The following RBFOX3 variants were observed in gnomAD, a reference collection of about 807,000 sequenced individuals.
The protein encoded by RBFOX3 is RNA binding fox-1 homolog 3, also known as RNA binding protein fox-1 homolog 3.
In RBFOX3, 17 loss-of-function variants were observed where a neutral mutation model predicts 48.7. The observed-to-expected ratio is 0.35, with a 90% CI of 0.24 to 0.52. The LOEUF is 0.52. Among genes scored for constraint, RBFOX3 ranks in the 20% least tolerant of loss-of-function variants. The pLI, the probability that RBFOX3 is intolerant of heterozygous loss-of-function variation, is 0.94. For missense variants in RBFOX3, 382 were observed against 497.5 expected (o/e 0.77, Z 2.21); for synonymous variants, 212 against 209.5 (o/e 1.01, Z -0.10).
At chr17:79,110,169 A>G (rs1177784999) in intron 5 of RBFOX3, among the ~76,000 whole-genome samples, 1 of 151,266 alleles carries the variant, frequency 6.6e-6, no homozygotes, top group Admixed American at 6.6e-5. Context: ...TCTTGTTCTC[A>G]AATGCAGGGA....
At chr17:79,270,592 T>C (rs1232437032) in intron 3 of RBFOX3, among the ~76,000 whole-genome samples, 1 of 152,242 alleles carries the variant, frequency 6.6e-6, no homozygotes, top group East Asian at 1.9e-4. Flanking sequence ...CTGAGAATAA[T>C]GCAATGGTGC....
At chr17:79,427,807 CA>C (rs1383756407) in intron 2 of RBFOX3, among the ~76,000 whole-genome samples, 1 of 152,266 alleles carries the variant, frequency 6.6e-6, no homozygotes, top group African/African-American at 2.4e-5. Context: ...GCAACATGCA[CA>C]GGCGTGCACA....
intron 1 of RBFOX3, among the ~76,000 whole-genome samples, chr17:79,562,051 C>T (rs1221386276): frequency 2.6e-5 from 4 of 152,236 alleles, no homozygotes; most frequent in African/African-American, 9.6e-5. Flanking sequence ...CCACCAAAGG[C>T]CACCAAAAGG....
At chr17:79,093,296 C>G (rs62063828) in intron 14 of RBFOX3, among the ~76,000 whole-genome samples, 54,916 of 149,472 alleles carry the variant, frequency 0.37, 10,458 homozygotes, top group African/African-American at 0.48. Flanking sequence ...ACCCAGTTTT[C>G]CCAGAAAAGA....
chr17:79,289,298 G>A (rs1317701996), intron 3 of RBFOX3, among the ~76,000 whole-genome samples: 1 of 152,216 alleles, frequency 6.6e-6, no homozygotes, highest in African/African-American at 2.4e-5. Flanking sequence ...AGAGAGATGG[G>A]GAAGGTTAGA....
chr17:79,581,965 T>C (rs1245900700), intron 1 of RBFOX3, among the ~76,000 whole-genome samples: 2 of 151,852 alleles, frequency 1.3e-5, no homozygotes, highest in Non-Finnish European at 2.9e-5. Context: ...CCCATGTATG[T>C]GCCTGTGCGT....
chr17:79,268,176 C>T (rs1269946608), intron 3 of RBFOX3, among the ~76,000 whole-genome samples: 1 of 151,768 alleles, frequency 6.6e-6, no homozygotes, highest in Non-Finnish European at 1.5e-5. Flanking sequence ...TGCGAGTCTG[C>T]GAGGGTGTCC....
chr17:79,208,933 A>C (rs2057948041), intron 4 of RBFOX3, among the ~76,000 whole-genome samples: 1 of 151,758 alleles, frequency 6.6e-6, no homozygotes, highest in South Asian at 2.1e-4. Context: ...CTCCTGCCTC[A>C]GCCTCCCAAG....
At chr17:79,454,911 A>G (rs1454622423) in intron 2 of RBFOX3, among the ~76,000 whole-genome samples, 1 of 152,216 alleles carries the variant, frequency 6.6e-6, no homozygotes, top group Admixed American at 6.5e-5. Flanking sequence ...CTGCACCCAG[A>G]GGCAGGAGAT....
At chr17:79,245,059 C>T (rs1243013112) in intron 3 of RBFOX3, among the ~76,000 whole-genome samples, 1 of 149,460 alleles carries the variant, frequency 6.7e-6, no homozygotes, top group Non-Finnish European at 1.5e-5. Context: ...CCTCCTCTCC[C>T]TTTCCTTTTC....
intron 3 of RBFOX3, among the ~76,000 whole-genome samples, chr17:79,259,917 T>C (rs1037622895): frequency 2.0e-5 from 3 of 152,084 alleles, no homozygotes; most frequent in Non-Finnish European, 4.4e-5. Flanking sequence ...TGCTCAGATA[T>C]GTCAACTGTG....
chr17:79,307,076 A>T (rs1422094524), intron 3 of RBFOX3, among the ~76,000 whole-genome samples: 1 of 152,268 alleles, frequency 6.6e-6, no homozygotes, highest in Non-Finnish European at 1.5e-5. Context: ...GAGAAGAATG[A>T]GCTCATACCT....
rs573798128 is a variant in RBFOX3 at position 79,187,319 on chromosome 17, C to T, written c.-34+48447G>A. On this transcript the variant is annotated intron_variant, in intron 4 of 14. Coordinates refer to ENST00000693108, the MANE Select transcript of RBFOX3 (RefSeq NM_001350451.2). Reference sequence around the variant, plus strand: ...TCCTGCCCCTCTTTCCCCTTCCAGGCGCCCAGGCCGACCATCCTCAGGCTT... The same window carrying T: ...TCCTGCCCCTCTTTCCCCTTCCAGGTGCCCAGGCCGACCATCCTCAGGCTT... Among the ~76,000 whole-genome samples, 73 of 152,308 alleles carry T rather than the reference C, an allele frequency of 4.8e-4. 1 individual carries two copies. The highest frequency in any genetic ancestry group is 5.1e-4 in the Non-Finnish European group (35 of 68,026).
chr17:79,330,896 G>T (rs1336163400), intron 2 of RBFOX3, among the ~76,000 whole-genome samples: 1 of 152,206 alleles, frequency 6.6e-6, no homozygotes, highest in Admixed American at 6.5e-5. Flanking sequence ...GACAGCCTGG[G>T]GCAGCCGTCG....
rs540655495 is a variant in RBFOX3, at chr17:79,546,831, G to A, written c.-320+63995C>T. Among the ~76,000 whole-genome samples, 47 of 151,896 alleles carry A rather than the reference G, an allele frequency of 3.1e-4. No individual in the cohort carries two copies. In the East Asian group the frequency reaches 7.4e-3, roughly 24 times the overall value. On this transcript the variant is annotated intron_variant, in intron 1 of 14. Transcript: ENST00000693108. ...ATTACAGTTATACACCACCACACCC[G>A]GCTAATTTTTGTATTTTTAGTAGAG... is the stretch of plus-strand genomic sequence containing the variant.
intron 1 of RBFOX3, among the ~76,000 whole-genome samples, chr17:79,533,873 A>G (rs1429772017): frequency 6.6e-6 from 1 of 151,956 alleles, no homozygotes; most frequent in Non-Finnish European, 1.5e-5. Flanking sequence ...ACCCGAAATA[A>G]CTCCTGTTAA....
At chr17:79,451,186 C>T (rs1293430299) in intron 2 of RBFOX3, among the ~76,000 whole-genome samples, 1 of 151,994 alleles carries the variant, frequency 6.6e-6, no homozygotes, top group African/African-American at 2.4e-5. Context: ...TTAGGAGCAT[C>T]ATTTGGAAGA....
intron 4 of RBFOX3, among the ~76,000 whole-genome samples, chr17:79,211,307 G>C (rs2058349736): frequency 6.6e-6 from 1 of 152,210 alleles, no homozygotes; most frequent in African/African-American, 2.4e-5. Flanking sequence ...CTGTGCCTCT[G>C]ACCCTGCCAA....
At chr17:79,652,617 G>GAAAGGAAAGGAAAGA in the RBFOX3 span, among the ~76,000 whole-genome samples, 1 of 150,730 alleles carries the variant, frequency 6.6e-6, no homozygotes, top group Non-Finnish European at 1.5e-5. Flanking sequence ...GAAAGGAAAG[G>GAAAGGAAAGGAAAGA]AAAGGGAAAA....
Sources: gnomAD v4.1 joint callset for allele counts (sites outside exome capture counted in the v4.1 genomes callset) on GRCh38, gnomAD v4.1.1 for gene constraint, MANE v1.5 for transcripts, NCBI Gene and HGNC (gene_info 2026-07-23, HGNC 2026-07-21) for gene names.